The following CNTN1 variants were observed in gnomAD, a reference collection of about 807,000 sequenced individuals.
The protein encoded by CNTN1 is contactin 1.
Under a neutral mutation model 126.4 loss-of-function variants are expected in CNTN1, and 38 were observed. The ratio of observed to expected loss-of-function variants is 0.30; its 90% confidence interval spans 0.23 to 0.39. The LOEUF (loss-of-function observed/expected upper bound fraction) is 0.39, where lower values mean the gene tolerates loss of function less well. CNTN1 is among the 10% of genes least tolerant of loss of function. The pLI, the probability that CNTN1 is intolerant of heterozygous loss-of-function variation, is 1.00. For synonymous variants in CNTN1, 413 were observed against 422.6 expected (o/e 0.98, Z 0.28); for missense variants, 1,009 against 1,248.4 (o/e 0.81, Z 2.89).
At chr12:40,692,691 C>A (rs1941330317) in intron 1 of CNTN1, 99 bp downstream of exon 1, 1 of 152,744 alleles carries the variant, frequency 6.5e-6, no homozygotes, top group Non-Finnish European at 1.5e-5. Context: ...CCCTCGTCAC[C>A]CCCAAATCTC....
At chr12:40,935,116 C>A (rs1294754573) in intron 9 of CNTN1, among the ~76,000 whole-genome samples, 1 of 151,946 alleles carries the variant, frequency 6.6e-6, no homozygotes, top group East Asian at 1.9e-4. Context: ...CACTCTGTAC[C>A]CTGAATGCTC....
In CNTN1 at chr12:40,978,488, T is replaced by A. The variant is rs144037052; in HGVS notation, c.1805-2421T>A. ...GGAAAAATGAAGACTGTATTGTGGATGACAATTATGTTTACAGAACTGCCT... is the reference window on the plus strand; with the variant it reads ...GGAAAAATGAAGACTGTATTGTGGAAGACAATTATGTTTACAGAACTGCCT... On this transcript the variant is annotated intron_variant, in intron 15 of 23. Transcript: ENST00000551295. Among the ~76,000 whole-genome samples the A allele has an allele frequency of 2.5e-4, 38 of 152,254 alleles. No individual in the cohort carries two copies. In the East Asian group the frequency reaches 6.2e-3, roughly 25 times the overall value.
At chr12:40,802,889 A>T (rs927146640) in intron 1 of CNTN1, among the ~76,000 whole-genome samples, 11 of 152,024 alleles carry the variant, frequency 7.2e-5, no homozygotes, top group African/African-American at 2.7e-4. Flanking sequence ...GCTCTTGGCC[A>T]GTCTGTTTTG....
rs771657279 is a variant in CNTN1, at chr12:41,025,313, T to C, written c.2687T>C (p.Ile896Thr). 48 of 1,613,350 alleles carry C rather than the reference T, an allele frequency of 3.0e-5. No homozygotes were observed. Among genetic ancestry groups the C allele is most frequent in the Admixed American group, 1.5e-4 (9 of 59,992 alleles). The change falls in exon 21 of 24, where the codon ATT becomes ACT. Residue 896 changes from isoleucine (I) to threonine (T), a missense_variant. Ile to Thr is a moderately conservative substitution (Grantham distance 89). Coordinates refer to ENST00000551295, the MANE Select transcript of CNTN1 (RefSeq NM_001843.4). ...GGGTGTGGACCTCCAAGTGACATGATTGAGGCTTTCACCAAGAAAGCACGT... is the reference window on the plus strand; with the variant it reads ...GGGTGTGGACCTCCAAGTGACATGACTGAGGCTTTCACCAAGAAAGCACGT... ...SAGCGPPSDM[I>T]EAFTKKAPPS...
intron 1 of CNTN1, among the ~76,000 whole-genome samples, chr12:40,901,914 T>A (rs1168496124): frequency 6.6e-6 from 1 of 152,130 alleles, no homozygotes; most frequent in Non-Finnish European, 1.5e-5. Context: ...TTATAGAGTG[T>A]AAAGAAATCA....
rs150251811 is a variant in CNTN1, at chr12:40,812,306, T to A, written c.-76-96051T>A. On this transcript the variant is annotated intron_variant, in intron 1 of 23. Transcript: ENST00000551295. ...TGATTTTGTGGCCCAATGTTTGATCTATCCTAGAGAATGCTGTGTGTACAC... is the reference window on the plus strand; with the variant it reads ...TGATTTTGTGGCCCAATGTTTGATCAATCCTAGAGAATGCTGTGTGTACAC... 1.3e-3 allele frequency among the ~76,000 whole-genome samples: 192 copies of A among 152,296 alleles called. 1 individual carries two copies. Among genetic ancestry groups the A allele is most frequent in the Admixed American group, 3.5e-3 (54 of 15,284 alleles).
At chr12:40,834,198 C>T (rs1032551177) in intron 1 of CNTN1, among the ~76,000 whole-genome samples, 2 of 152,058 alleles carry the variant, frequency 1.3e-5, no homozygotes, top group Admixed American at 1.3e-4. Flanking sequence ...GTGGTGCACT[C>T]CATTATTTTA....
chr12:40,763,898 G>A (rs1019388311), intron 1 of CNTN1, among the ~76,000 whole-genome samples: 27 of 152,210 alleles, frequency 1.8e-4, no homozygotes, highest in African/African-American at 6.3e-4. Context: ...CTAGGCCTGG[G>A]ATCTCTCAGA....
intron 1 of CNTN1, among the ~76,000 whole-genome samples, chr12:40,714,821 A>C (rs2121183693): frequency 6.6e-6 from 1 of 152,214 alleles, no homozygotes; most frequent in African/African-American, 2.4e-5. Context: ...GAAACAAAAT[A>C]TGCCTTTGAT....
intron 1 of CNTN1, among the ~76,000 whole-genome samples, chr12:40,701,962 C>G (rs1325819868): frequency 6.6e-6 from 1 of 152,148 alleles, no homozygotes; most frequent in African/African-American, 2.4e-5. Context: ...ACCCAGGTAC[C>G]CCGCTTCCAG....
chr12:40,827,365 G>A (rs1941647109), intron 1 of CNTN1, among the ~76,000 whole-genome samples: 1 of 151,806 alleles, frequency 6.6e-6, no homozygotes, highest in Admixed American at 6.6e-5. Context: ...TTTTTGAAAT[G>A]AAAAATTAAT....
intron 1 of CNTN1, among the ~76,000 whole-genome samples, chr12:40,754,990 T>C (rs1443935403): frequency 1.3e-5 from 2 of 151,776 alleles, no homozygotes; most frequent in Non-Finnish European, 2.9e-5. Flanking sequence ...AGCCCAGTCA[T>C]GATCAGCCTG....
chr12:40,768,398 CTTTTA>C (rs1939206362), intron 1 of CNTN1, among the ~76,000 whole-genome samples: 2 of 123,470 alleles, frequency 1.6e-5, no homozygotes, highest in African/African-American at 5.8e-5. Flanking sequence ...GTTTGTACTG[CTTTTA>C]CAAATCCCTT....
At chr12:40,942,648 G>T (rs1946299782) in intron 12 of CNTN1, among the ~76,000 whole-genome samples, 1 of 152,068 alleles carries the variant, frequency 6.6e-6, no homozygotes, top group Non-Finnish European at 1.5e-5. Context: ...GAGTTGGAGA[G>T]TGGCATATTC....
chr12:40,906,580 A>G (rs1350184909), intron 1 of CNTN1, among the ~76,000 whole-genome samples: 2 of 151,380 alleles, frequency 1.3e-5, no homozygotes, highest in Admixed American at 1.3e-4. Context: ...AATCAGTAGG[A>G]TTTTAATGTT....
At position 41,014,210 on chromosome 12, in the gene CNTN1, T is replaced by G. The variant is rs1948729825; in HGVS notation, c.2114-18T>G. 1 of 1,611,844 alleles carries G rather than the reference T, an allele frequency of 6.2e-7. No individual in the cohort carries two copies. Among genetic ancestry groups the G allele is most frequent in the East Asian group, 2.2e-5 (1 of 44,830 alleles). On this transcript the variant is annotated intron_variant, in intron 17 of 23. Transcript: ENST00000551295. The stretch of plus-strand genomic sequence containing the variant: ...TCTTTTTGTTGTTGTTTTGCATATA[T>G]TTGTTTGTTTGTTTCAGCACCAAAT...
intron 15 of CNTN1, among the ~76,000 whole-genome samples, chr12:40,976,571 G>T (rs536821110): frequency 9.9e-5 from 15 of 152,128 alleles, no homozygotes; most frequent in African/African-American, 3.1e-4. Flanking sequence ...AAAGAACTCA[G>T]GGTTAGAATT....
At chr12:40,785,439 C>T (rs1177994926) in intron 1 of CNTN1, among the ~76,000 whole-genome samples, 2 of 152,140 alleles carry the variant, frequency 1.3e-5, no homozygotes, top group Non-Finnish European at 2.9e-5. Context: ...GACCACCAAA[C>T]AGGCTTTGTG....
intron 1 of CNTN1, among the ~76,000 whole-genome samples, chr12:40,809,240 T>C (rs1445178099): frequency 6.6e-6 from 1 of 152,226 alleles, no homozygotes; most frequent in East Asian, 1.9e-4. Flanking sequence ...ATGTCTGTGA[T>C]AAAATCTTTT....
Sources: allele counts gnomAD v4.1 joint callset (sites outside exome capture counted in the v4.1 genomes callset), GRCh38; gene constraint gnomAD v4.1.1; transcripts MANE v1.5; gene names NCBI Gene and HGNC (gene_info 2026-07-23, HGNC 2026-07-21).